Variants in AOPEP observed in about 807,000 individuals in gnomAD.
AOPEP encodes the protein aminopeptidase O.
A neutral mutation model predicts 98.1 loss-of-function variants in AOPEP; 77 were observed. The observed-to-expected ratio is 0.78, with a 90% CI of 0.65 to 0.95. AOPEP has a LOEUF of 0.95. AOPEP is among the 40% of genes least tolerant of loss of function. AOPEP has a pLI of 0.00. For missense variants in AOPEP, 1,024 were observed against 1,024.7 expected, an observed-to-expected ratio of 1.00 and a Z score of 0.01; for synonymous variants, 346 against 365.3, an observed-to-expected ratio of 0.95 and a Z score of 0.60.
At position 94,967,794 on chromosome 9, in the gene AOPEP, G is replaced by C; in HGVS notation, c.1909G>C (p.Glu637Gln). Reference protein sequence around the residue: ...LQMLLENIPEEKRLELSVENI... With the variant: ...LQMLLENIPEQKRLELSVENI... Reference sequence around the variant, plus strand: ...AATGCTACTGGAGAACATTCCAGAAGAAAAAAGGTAAGGACCAATTTAGGA... The same window carrying C: ...AATGCTACTGGAGAACATTCCAGAACAAAAAAGGTAAGGACCAATTTAGGA... The change falls in exon 10 of 17, where the codon GAA becomes CAA. Residue 637 changes from glutamate (E) to glutamine (Q), a missense_variant. Around this residue, in one of 3 missense-constraint regions of AOPEP, gnomAD observed 566 missense variants for 551.7 expected, o/e 1.03. Transcript: ENST00000375315. The C allele has an allele frequency of 6.2e-7, 1 of 1,612,882 alleles. No homozygotes were observed. Among genetic ancestry groups the C allele is most frequent in the Non-Finnish European group, 8.5e-7 (1 of 1,179,110 alleles).
chr9:95,084,075 T>C (rs1028605855), intron 16 of AOPEP, among the ~76,000 whole-genome samples: 2 of 152,232 alleles, frequency 1.3e-5, no homozygotes, highest in African/African-American at 4.8e-5. Flanking sequence ...TTCAGTGTTT[T>C]ATATGATATT....
At chr9:94,810,960 T>G (rs1850442763) in intron 5 of AOPEP, among the ~76,000 whole-genome samples, 1 of 152,212 alleles carries the variant, frequency 6.6e-6, no homozygotes, top group African/African-American at 2.4e-5. Flanking sequence ...ACTGAAGGCC[T>G]TCTTCCTTCA....
Position 94,924,024 on chromosome 9 carries a change from G to A in AOPEP, c.1403G>A (p.Gly468Glu). 6.7e-7 allele frequency: 1 copy of A among 1,497,992 alleles called. No homozygotes were observed. Among genetic ancestry groups the A allele is most frequent in the East Asian group, 2.7e-5 (1 of 37,590 alleles). The allele number at this position is 1,497,992 out of a possible 1,614,324, so 92.8% of individuals were successfully genotyped here. Residue 468 changes from glycine to glutamate, a missense_variant, in exon 6 of 17, where the codon GGA becomes GAA. Physicochemically the swap from Gly to Glu is moderately conservative, Grantham distance 98. Around this residue, in one of 3 missense-constraint regions of AOPEP, gnomAD observed 566 missense variants for 551.7 expected, o/e 1.03. Transcript: ENST00000375315. ...IMFLSQSILT[G>E]GNHLCGTRLC... ...TTCCTCTCTCAGAGCATCTTGACAG[G>A]AGGGAACCATCTCTGTGGGACCCGC...
Position 94,939,572 on chromosome 9 carries a change from A to G in AOPEP, c.1661+11041A>G, listed in dbSNP as rs147813161. Among the ~76,000 whole-genome samples, 994 of 152,318 alleles carry G rather than the reference A, an allele frequency of 6.5e-3. 9 individuals are homozygous for G. Among genetic ancestry groups the G allele is most frequent in the African/African-American group, 0.023 (940 of 41,558 alleles). On this transcript the variant is annotated intron_variant, in intron 7 of 16. Coordinates refer to ENST00000375315, the MANE Select transcript of AOPEP (RefSeq NM_001193329.3). ...AGTTCTGACTCTACTACAGGTTCAG[A>G]ATTTCTAATATGAAAATCTGAACAA...
At chr9:95,086,577 A>G (rs925811963) in intron 16 of AOPEP, 105 bp from the exon 17 acceptor site, 1 of 993,402 alleles carries the variant, frequency 1.0e-6, no homozygotes, top group African/African-American at 1.7e-5. Context: ...TCCTGTGATT[A>G]AAGTCCTCTC....
chr9:95,012,319 A>G lies in AOPEP; in HGVS notation c.2115+6703A>G, dbSNP rs148658064. Among the ~76,000 whole-genome samples, 125 of 152,284 alleles carry G rather than the reference A, an allele frequency of 8.2e-4. 1 individual carries two copies. The highest frequency in any genetic ancestry group is 1.5e-3 in the Non-Finnish European group (103 of 68,026). On this transcript the variant is annotated intron_variant, in intron 13 of 16. Transcript: ENST00000375315. ...TTGGAAGTGTGCTGATAATTACACTACTATTGATTTTAGCAAGTTTGATGC... is the reference window on the plus strand; with the variant it reads ...TTGGAAGTGTGCTGATAATTACACTGCTATTGATTTTAGCAAGTTTGATGC...
intron 5 of AOPEP, chr9:94,900,701 G>C (rs2050277558): frequency 6.6e-6 from 1 of 152,198 alleles, no homozygotes; most frequent in Non-Finnish European, 1.5e-5. Flanking sequence ...TTCTCTGCAT[G>C]TCTGTATCTT....
chr9:95,014,430 C>CCA, intron 13 of AOPEP, among the ~76,000 whole-genome samples: 1 of 152,136 alleles, frequency 6.6e-6, no homozygotes, highest in South Asian at 2.1e-4. Flanking sequence ...CTAGATCGTG[C>CCA]CACTGCCTTC....
the AOPEP span, chr9:95,106,955 G>T: frequency 9.5e-7 from 1 of 1,051,086 alleles, no homozygotes; most frequent in Non-Finnish European, 1.4e-6. Context: ...ATCTGTGCTG[G>T]GCAGCATCCT....
chr9:94,931,848 A>C, intron 7 of AOPEP: 1 of 1,480,284 alleles, frequency 6.8e-7, no homozygotes, highest in Non-Finnish European at 9.2e-7. Context: ...TGTGTGTCTT[A>C]CTCTCCTTGA....
intron 2 of AOPEP, among the ~76,000 whole-genome samples, chr9:94,765,466 T>TAATAAC (rs1839374213): frequency 2.0e-5 from 3 of 147,074 alleles, no homozygotes; most frequent in Admixed American, 6.8e-5. Flanking sequence ...ATAATAATAA[T>TAATAAC]AATAATAATA....
At chr9:94,944,091 A>G (rs2057353987) in intron 7 of AOPEP, among the ~76,000 whole-genome samples, 1 of 152,170 alleles carries the variant, frequency 6.6e-6, no homozygotes, top group Non-Finnish European at 1.5e-5. Flanking sequence ...GATGGCTACA[A>G]TGAAAAAGAC....
At chr9:95,035,372 T>C (rs1007183037) in intron 13 of AOPEP, among the ~76,000 whole-genome samples, 37 of 152,088 alleles carry the variant, frequency 2.4e-4, no homozygotes, top group Non-Finnish European at 5.3e-4. Flanking sequence ...TGCAATCAAG[T>C]TCAGGGCCAG....
intron 8 of AOPEP, among the ~76,000 whole-genome samples, 178 bp downstream of exon 8, chr9:94,955,457 G>A (rs2058387337): frequency 2.0e-5 from 3 of 152,178 alleles, no homozygotes; most frequent in Non-Finnish European, 2.9e-5. Context: ...AGGAGACCAA[G>A]TTAGGAAAGA....
At chr9:94,756,487 C>T (rs929694515) in intron 1 of AOPEP, among the ~76,000 whole-genome samples, 1 of 152,056 alleles carries the variant, frequency 6.6e-6, no homozygotes, top group African/African-American at 2.4e-5. Flanking sequence ...TCGCTTGAGC[C>T]CGCAACCCTA....
chr9:95,114,625 T>C, the AOPEP span: 2 of 1,613,394 alleles, frequency 1.2e-6, no homozygotes, highest in Non-Finnish European at 1.7e-6. Flanking sequence ...CAGTGTTTGC[T>C]CACCCATGAG....
intron 2 of AOPEP, among the ~76,000 whole-genome samples, chr9:94,761,393 T>C (rs1838253870): frequency 6.6e-6 from 1 of 152,226 alleles, no homozygotes; most frequent in Non-Finnish European, 1.5e-5. Context: ...AATCAAACTT[T>C]ATTGATTCCT....
At chr9:94,811,525 A>C (rs564542076) in intron 5 of AOPEP, among the ~76,000 whole-genome samples, 1 of 151,958 alleles carries the variant, frequency 6.6e-6, no homozygotes, top group Admixed American at 6.5e-5. Context: ...TCCCTTCTCT[A>C]CCACAGCTGC....
chr9:95,136,329 G>C, the AOPEP span, among the ~76,000 whole-genome samples: 8 of 152,056 alleles, frequency 5.3e-5, no homozygotes, highest in Non-Finnish European at 1.0e-4. Context: ...AGCCCAGGAG[G>C]CTGTGTTCAC....
Sources: allele counts gnomAD v4.1 joint callset (sites outside exome capture counted in the v4.1 genomes callset), GRCh38; gene constraint gnomAD v4.1.1; regional missense constraint gnomAD v4.1.1; transcripts MANE v1.5; gene names NCBI Gene and HGNC (gene_info 2026-07-23, HGNC 2026-07-21).